FOXP2: variants seen among roughly 807,000 people sequenced by gnomAD.
The protein encoded by FOXP2 is forkhead box P2.
In FOXP2, 12 loss-of-function variants were observed where a neutral mutation model predicts 115.8. That is an observed-to-expected ratio of 0.10 (90% CI 0.07 to 0.17). The LOEUF (loss-of-function observed/expected upper bound fraction) is 0.17, where lower values mean the gene tolerates loss of function less well. FOXP2 is among the 10% of genes least tolerant of loss of function. The probability of loss-of-function intolerance (pLI) is 1.00; values close to 1 mark genes in which losing one functional copy is unlikely to be tolerated. For missense variants in FOXP2, 629 were observed against 843.5 expected, an observed-to-expected ratio of 0.75 and a Z score of 3.15; for synonymous variants, 328 against 297.7, an observed-to-expected ratio of 1.10 and a Z score of -1.05.
chr7:114,087,556 C>T (rs1348931045), upstream of FOXP2, among the ~76,000 whole-genome samples: 4 of 151,148 alleles, frequency 2.6e-5, no homozygotes, highest in African/African-American at 9.7e-5. Context: ...CACAGTGGCC[C>T]CGGCGGGCAG....
chr7:114,435,729 G>A (rs917915480), intron 2 of FOXP2, among the ~76,000 whole-genome samples: 10 of 152,080 alleles, frequency 6.6e-5, no homozygotes, highest in Admixed American at 3.3e-4. Flanking sequence ...AGTAGAGACG[G>A]GGTTTCACCA....
At chr7:114,429,362 C>T (rs771282308) in intron 2 of FOXP2, among the ~76,000 whole-genome samples, 1 of 151,278 alleles carries the variant, frequency 6.6e-6, no homozygotes, top group Non-Finnish European at 1.5e-5. Context: ...GCTCTGCTAT[C>T]TTATATTTAC....
rs1005375260 is a variant in FOXP2, at chr7:114,681,103, T to C, written c.2004-8679T>C. 5.3e-5 allele frequency among the ~76,000 whole-genome samples: 8 copies of C among 152,214 alleles called. No individual in the cohort carries two copies. In the East Asian group the frequency reaches 1.5e-3, roughly 29 times the overall value. ...CTTAGGGCTGGCAATCTTGTACATT[T>C]ATTCTTCTTATACTAGACTACAAGT... is the stretch of plus-strand genomic sequence containing the variant. On this transcript the variant is annotated intron_variant, in intron 16 of 16. Transcript: ENST00000350908.
chr7:114,654,058 A>G (rs745839030), intron 10 of FOXP2, 49 bp downstream of exon 10: 15 of 1,612,244 alleles, frequency 9.3e-6, no homozygotes, highest in Non-Finnish European at 1.2e-5. Context: ...CCAATGTAAC[A>G]GACTAAGAAA....
chr7:114,201,795 T>C (rs908019143), intron 1 of FOXP2, among the ~76,000 whole-genome samples: 1 of 152,174 alleles, frequency 6.6e-6, no homozygotes, highest in African/African-American at 2.4e-5. Flanking sequence ...ATTTAAGCAA[T>C]GACTGAAAAT....
At chr7:114,610,280 A>C (rs1803559433) in intron 3 of FOXP2, among the ~76,000 whole-genome samples, 2 of 152,226 alleles carry the variant, frequency 1.3e-5, no homozygotes, top group Admixed American at 1.3e-4. Context: ...GTCTATATCT[A>C]CAAAATGATT....
chr7:114,209,083 C>T (rs555790266), intron 1 of FOXP2, among the ~76,000 whole-genome samples: 6 of 152,128 alleles, frequency 3.9e-5, no homozygotes, highest in Non-Finnish European at 8.8e-5. Context: ...GGTGTTGGAG[C>T]GATCAGATGG....
chr7:114,616,155 T>A (rs1488085323), intron 3 of FOXP2, among the ~76,000 whole-genome samples: 1 of 150,450 alleles, frequency 6.6e-6, no homozygotes, highest in African/African-American at 2.5e-5. Flanking sequence ...GTTTTATGTT[T>A]TTTGTTGTCG....
chr7:114,289,285 T>C (rs1796537777), intron 2 of FOXP2, among the ~76,000 whole-genome samples: 1 of 151,888 alleles, frequency 6.6e-6, no homozygotes, highest in Non-Finnish European at 1.5e-5. Context: ...GTAAGTAAGG[T>C]TGACATTATT....
At chr7:114,648,992 A>T (rs1432828407) in intron 8 of FOXP2, among the ~76,000 whole-genome samples, 3 of 152,030 alleles carry the variant, frequency 2.0e-5, no homozygotes, top group Admixed American at 1.3e-4. Context: ...TTATTAATGC[A>T]TAGTAGAGTA....
intron 2 of FOXP2, among the ~76,000 whole-genome samples, chr7:114,468,872 T>G (rs1795923164): frequency 6.6e-6 from 1 of 152,196 alleles, no homozygotes; most frequent in African/African-American, 2.4e-5. Flanking sequence ...GCTCAATAAA[T>G]ATTTCATTTA....
Position 114,658,195 on chromosome 7 carries a change from C to G in FOXP2, c.1396C>G (p.Pro466Ala). The G allele has an allele frequency of 1.2e-6, 2 of 1,613,838 alleles. No individual in the cohort carries two copies. Among genetic ancestry groups the G allele is most frequent in the Non-Finnish European group, 1.7e-6 (2 of 1,179,882 alleles). Residue 466 changes from proline (P) to alanine (A), a missense_variant, in exon 11 of 17, where the codon CCA (proline) becomes GCA (alanine). Pro to Ala is a conservative substitution (Grantham distance 27). Around this residue, in one of 9 missense-constraint regions of FOXP2, gnomAD observed 101 missense variants for 116.0 expected, o/e 0.87. Transcript: ENST00000350908. ...PITQGPSVITPASVPNVGAIR... is the reference protein window; with the variant it reads ...PITQGPSVITAASVPNVGAIR... ...TACCCAGGGACCCTCAGTAATCACC[C>G]CAGCCAGTGTGCCCAATGTGGGAGC...
intron 1 of FOXP2, among the ~76,000 whole-genome samples, chr7:114,176,251 TCTCTC>T (rs1562992780): frequency 3.3e-4 from 49 of 150,768 alleles, no homozygotes; most frequent in African/African-American, 1.0e-3. Context: ...TTTCTTTCTC[TCTCTC>T]TCTTTCCCTT....
intron 3 of FOXP2, among the ~76,000 whole-genome samples, chr7:114,563,946 A>G (rs756305563): frequency 8.6e-5 from 13 of 152,046 alleles, no homozygotes; most frequent in Non-Finnish European, 1.3e-4. Flanking sequence ...TCCTTTTTTC[A>G]TGTAACTGCT....
At chr7:114,305,153 T>C (rs1026510738) in intron 2 of FOXP2, among the ~76,000 whole-genome samples, 4 of 152,178 alleles carry the variant, frequency 2.6e-5, no homozygotes, top group African/African-American at 9.6e-5. Flanking sequence ...ATGATCATTA[T>C]TCATCTCATC....
intron 3 of FOXP2, among the ~76,000 whole-genome samples, chr7:114,593,810 A>G (rs1252300107): frequency 1.3e-5 from 2 of 152,050 alleles, no homozygotes; most frequent in Non-Finnish European, 2.9e-5. Context: ...AAAGCAGTTT[A>G]TATTGCAAAT....
intron 2 of FOXP2, among the ~76,000 whole-genome samples, chr7:114,366,105 T>C (rs1791874760): frequency 1.3e-5 from 2 of 152,136 alleles, no homozygotes; most frequent in Non-Finnish European, 2.9e-5. Context: ...CAGGAAGCAG[T>C]AGAACTCATG....
chr7:114,434,523 AAC>A, intron 2 of FOXP2, among the ~76,000 whole-genome samples: 1 of 151,732 alleles, frequency 6.6e-6, no homozygotes, highest in Non-Finnish European at 1.5e-5. Context: ...TTTAAAGAAA[AAC>A]ACATGGAGAA....
intron 8 of FOXP2, among the ~76,000 whole-genome samples, chr7:114,647,046 A>T (rs898822179): frequency 1.3e-5 from 2 of 152,010 alleles, no homozygotes; most frequent in African/African-American, 4.8e-5. Flanking sequence ...TCCAGTGTTT[A>T]TTATAAAAGT....
Sources: gnomAD v4.1 joint callset for allele counts (sites outside exome capture counted in the v4.1 genomes callset) on GRCh38, gnomAD v4.1.1 for gene constraint, gnomAD v4.1.1 regional missense constraint, MANE v1.5 for transcripts, NCBI Gene and HGNC (gene_info 2026-07-23, HGNC 2026-07-21) for gene names.